Variants in MAML3 observed in about 807,000 individuals in gnomAD.
MAML3 encodes the protein mastermind like transcriptional coactivator 3.
Under a neutral mutation model 101.9 loss-of-function variants are expected in MAML3, and 27 were observed. That is an observed-to-expected ratio of 0.27 (90% CI 0.20 to 0.37). The LOEUF is 0.37. MAML3 is among the 10% of genes least tolerant of loss of function. The pLI is 1.00. For synonymous variants in MAML3, 501 were observed against 555.9 expected (o/e 0.90, Z 1.39); for missense variants, 1,316 against 1,444.9 (o/e 0.91, Z 1.45).
chr4:139,734,869 G>T (rs999704077), intron 2 of MAML3, among the ~76,000 whole-genome samples: 1 of 152,258 alleles, frequency 6.6e-6, no homozygotes, highest in Non-Finnish European at 1.5e-5. Context: ...CTGGGGTGAC[G>T]GGGACCCCGT....
chr4:139,766,945 G>C (rs915696987), intron 2 of MAML3, among the ~76,000 whole-genome samples: 1 of 152,170 alleles, frequency 6.6e-6, no homozygotes, highest in Non-Finnish European at 1.5e-5. Flanking sequence ...ACCCACACAT[G>C]AAAAACTGGG....
At chr4:140,099,946 A>G (rs1156554005) in intron 1 of MAML3, among the ~76,000 whole-genome samples, 1 of 152,144 alleles carries the variant, frequency 6.6e-6, no homozygotes, top group East Asian at 1.9e-4. Context: ...AAATCCTCCT[A>G]TGGTGATAAC....
At chr4:140,018,743 T>C (rs764432655) in intron 1 of MAML3, among the ~76,000 whole-genome samples, 8 of 152,228 alleles carry the variant, frequency 5.3e-5, no homozygotes, top group Non-Finnish European at 8.8e-5. Context: ...TTTAAATAAA[T>C]GGGCTTAGTT....
At chr4:140,088,074 T>A (rs1727986776) in intron 1 of MAML3, among the ~76,000 whole-genome samples, 1 of 151,890 alleles carries the variant, frequency 6.6e-6, no homozygotes, top group Non-Finnish European at 1.5e-5. Flanking sequence ...AAAAAAAATT[T>A]AAAAAATTAG....
chr4:140,101,921 A>G lies in MAML3; in HGVS notation c.468+50939T>C, dbSNP rs1477454171. On this transcript the variant is annotated intron_variant, in intron 1 of 4. Coordinates refer to ENST00000509479, the MANE Select transcript of MAML3 (RefSeq NM_018717.5). Reference sequence around the variant, plus strand: ...TTCTAGCCAATAGAACAACACTAAAATATATGGAGAATTTAACTAACTTTT... The same window carrying G: ...TTCTAGCCAATAGAACAACACTAAAGTATATGGAGAATTTAACTAACTTTT... Among the ~76,000 whole-genome samples the G allele has an allele frequency of 3.3e-5, 5 of 152,140 alleles. No individual in the cohort carries two copies. In the East Asian group the frequency reaches 9.7e-4, roughly 29 times the overall value.
At chr4:140,010,178 A>T (rs1726523490) in intron 1 of MAML3, among the ~76,000 whole-genome samples, 1 of 152,246 alleles carries the variant, frequency 6.6e-6, no homozygotes, top group Admixed American at 6.5e-5. Flanking sequence ...CACTTAAAAA[A>T]ATTAATGTGT....
At chr4:139,791,966 A>G (rs1044281978) in intron 2 of MAML3, among the ~76,000 whole-genome samples, 2 of 152,236 alleles carry the variant, frequency 1.3e-5, no homozygotes, top group African/African-American at 4.8e-5. Flanking sequence ...GTGGTGCTGG[A>G]TATACTGGGA....
At chr4:139,849,675 A>G (rs1010723136) in intron 2 of MAML3, among the ~76,000 whole-genome samples, 8 of 152,336 alleles carry the variant, frequency 5.3e-5, no homozygotes, top group African/African-American at 1.9e-4. Flanking sequence ...ACGTGATGGC[A>G]ACAGAACCCT....
chr4:139,960,249 G>T (rs779270884), intron 1 of MAML3, among the ~76,000 whole-genome samples: 16 of 152,164 alleles, frequency 1.1e-4, no homozygotes, highest in Non-Finnish European at 1.5e-4. Flanking sequence ...GAAAATTCTC[G>T]AATTTCATTG....
chr4:139,860,573 C>A (rs1190851817), intron 2 of MAML3, among the ~76,000 whole-genome samples: 1 of 152,170 alleles, frequency 6.6e-6, no homozygotes, highest in African/African-American at 2.4e-5. Context: ...TCAGGAAAGG[C>A]GGGCTTTGTC....
chr4:139,803,797 C>T (rs1439620033), intron 2 of MAML3, among the ~76,000 whole-genome samples: 1 of 152,154 alleles, frequency 6.6e-6, no homozygotes, highest in Non-Finnish European at 1.5e-5. Flanking sequence ...CAGTTTTACT[C>T]CTGCAACTCA....
intron 2 of MAML3, among the ~76,000 whole-genome samples, chr4:139,784,611 C>A (rs748183160): frequency 8.5e-5 from 13 of 152,210 alleles, no homozygotes; most frequent in Non-Finnish European, 1.3e-4. Context: ...TCTTTCCATT[C>A]CTTAAAAAGA....
At chr4:139,975,601 G>A (rs1734316936) in intron 1 of MAML3, among the ~76,000 whole-genome samples, 1 of 152,162 alleles carries the variant, frequency 6.6e-6, no homozygotes, top group African/African-American at 2.4e-5. Flanking sequence ...TAAACTCCAT[G>A]AGGAAAGGGG....
chr4:139,889,036 T>C (rs1732405106), intron 2 of MAML3: 1 of 450,380 alleles, frequency 2.2e-6, no homozygotes, highest in African/African-American at 2.0e-5. Flanking sequence ...ACAGAGGTAG[T>C]GCCGTGTTTG....
intron 1 of MAML3, among the ~76,000 whole-genome samples, chr4:140,139,981 G>C (rs1728953680): frequency 6.6e-6 from 1 of 152,202 alleles, no homozygotes; most frequent in Admixed American, 6.5e-5. Flanking sequence ...TTAAGGAAAA[G>C]TTGTAGGTTG....
At chr4:139,787,902 C>T (rs1730334113) in intron 2 of MAML3, among the ~76,000 whole-genome samples, 1 of 152,182 alleles carries the variant, frequency 6.6e-6, no homozygotes, top group South Asian at 2.1e-4. Flanking sequence ...TTTTTATTAA[C>T]CATGTCAATT....
At chr4:140,133,875 A>G (rs1728837860) in intron 1 of MAML3, among the ~76,000 whole-genome samples, 1 of 152,204 alleles carries the variant, frequency 6.6e-6, no homozygotes, top group Non-Finnish European at 1.5e-5. Context: ...GGCTGTATGT[A>G]TACAGATATT....
intron 2 of MAML3, among the ~76,000 whole-genome samples, chr4:139,792,588 G>C (rs574671622): frequency 1.3e-4 from 20 of 152,240 alleles, no homozygotes; most frequent in African/African-American, 4.6e-4. Context: ...AAGCTACCCA[G>C]ACAGCAACAA....
intron 2 of MAML3, among the ~76,000 whole-genome samples, chr4:139,857,398 C>A (rs1388537479): frequency 6.6e-6 from 1 of 152,066 alleles, no homozygotes; most frequent in Non-Finnish European, 1.5e-5. Flanking sequence ...AAAGTTGCCA[C>A]TGCCAGATTC....
Sources: gnomAD v4.1 joint callset for allele counts (sites outside exome capture counted in the v4.1 genomes callset) on GRCh38, gnomAD v4.1.1 for gene constraint, MANE v1.5 for transcripts, NCBI Gene and HGNC (gene_info 2026-07-23, HGNC 2026-07-21) for gene names.